SMURF1: variants seen among roughly 807,000 people sequenced by gnomAD.
SMURF1 encodes SMAD specific E3 ubiquitin protein ligase 1.
Under a neutral mutation model 98.0 loss-of-function variants are expected in SMURF1, and 44 were observed. The observed-to-expected ratio is 0.45, with a 90% CI of 0.35 to 0.58. The LOEUF is 0.58. Ranked by LOEUF, SMURF1 falls within the 20% of genes least tolerant of loss-of-function variation. SMURF1 has a pLI of 0.00. For missense variants in SMURF1, 687 were observed against 938.4 expected, an observed-to-expected ratio of 0.73 and a Z score of 3.50; for synonymous variants, 396 against 374.9, an observed-to-expected ratio of 1.06 and a Z score of -0.65.
At chr7:99,119,024 TTTTTTTTTTTTTTTTTTTTTA>T (rs1370515070) in intron 1 of SMURF1, among the ~76,000 whole-genome samples, 1 of 130,092 alleles carries the variant, frequency 7.7e-6, no homozygotes, top group African/African-American at 2.8e-5. Flanking sequence ...TTTTTTTTTT[TTTTTTTTTTTTTTTTTTTTTA>T]GAGACAGGGT....
chr7:99,045,160 A>T (rs78274080), intron 11 of SMURF1, among the ~76,000 whole-genome samples: 4 of 152,096 alleles, frequency 2.6e-5, no homozygotes, highest in Admixed American at 2.6e-4. Flanking sequence ...AAAAAAAAAA[A>T]TTGTCTTGAA....
At chr7:99,084,390 C>T (rs1796634153) in intron 1 of SMURF1, among the ~76,000 whole-genome samples, 1 of 152,056 alleles carries the variant, frequency 6.6e-6, no homozygotes, top group Non-Finnish European at 1.5e-5. Context: ...GTGATCCGCC[C>T]GAGGGTTGAA....
At chr7:99,068,899 C>T (rs1386941441) in intron 1 of SMURF1, among the ~76,000 whole-genome samples, 1 of 152,052 alleles carries the variant, frequency 6.6e-6, no homozygotes. Context: ...GGGTCCAGGC[C>T]AGGCATTTTG....
rs763094831 is a variant in SMURF1, at chr7:99,047,802, G to A, written c.1034C>T (p.Ala345Val). The A allele has an allele frequency of 1.2e-6, 2 of 1,614,178 alleles. No homozygotes were observed. Among genetic ancestry groups the A allele is most frequent in the Non-Finnish European group, 1.7e-6 (2 of 1,180,042 alleles). ...EGSLEDEELPAQRYERDLVQK... is the reference protein window; with the variant it reads ...EGSLEDEELPVQRYERDLVQK... ...GACTAGATCTCTTTCGTATCTCTGG[G>A]CAGGAAGCTCCTCGTCCTCCAGAGA... Residue 345 changes from alanine (A) to valine (V), a missense_variant, in exon 10 of 18, where the codon GCC (alanine) becomes GTC (valine). Coordinates refer to ENST00000361368, the MANE Select transcript of SMURF1 (RefSeq NM_181349.3).
At chr7:99,093,989 G>A (rs558391628) in intron 1 of SMURF1, among the ~76,000 whole-genome samples, 2 of 152,090 alleles carry the variant, frequency 1.3e-5, no homozygotes, top group South Asian at 4.1e-4. Flanking sequence ...TTACGCACAA[G>A]ATTAACAAGA....
chr7:99,130,418 A>G (rs1292842077), intron 1 of SMURF1, among the ~76,000 whole-genome samples: 1 of 152,242 alleles, frequency 6.6e-6, no homozygotes, highest in African/African-American at 2.4e-5. Flanking sequence ...ACACCACTGC[A>G]CTCCAGCCTG....
chr7:99,100,150 C>T (rs1046058826), intron 1 of SMURF1, among the ~76,000 whole-genome samples: 2 of 151,266 alleles, frequency 1.3e-5, no homozygotes, highest in African/African-American at 4.8e-5. Context: ...ATGCTCTGAC[C>T]CCAGAATGCC....
chr7:99,045,725 T>C lies in SMURF1; in HGVS notation c.1229A>G (p.Glu410Gly). 10 of 1,614,146 alleles carry C rather than the reference T, an allele frequency of 6.2e-6. No individual in the cohort carries two copies. The highest frequency in any genetic ancestry group is 7.6e-6 in the Non-Finnish European group (9 of 1,179,978). ...GGCCACACCACCGTAATCCAAACCTTCTTCCCCACGGAATTTCACCATCAG... is the reference window on the plus strand; with the variant it reads ...GGCCACACCACCGTAATCCAAACCTCCTTCCCCACGGAATTTCACCATCAG... ...KRLMVKFRGE[E>G]GLDYGGVARE... is the part of the protein sequence containing the mutation. The change falls in exon 11 of 18, where the codon GAA (glutamate) becomes GGA (glycine). Residue 410 changes from glutamate to glycine, a missense_variant. Glu to Gly is a moderately conservative substitution (Grantham distance 98). This residue lies in a region of SMURF1 where 272 missense variants were observed against 430.0 expected (regional missense o/e 0.63). Coordinates refer to ENST00000361368, the MANE Select transcript of SMURF1 (RefSeq NM_181349.3).
At chr7:99,050,896 G>T (rs753920049) in intron 8 of SMURF1, 63 of 1,014,694 alleles carry the variant, frequency 6.2e-5, no homozygotes, top group African/African-American at 1.8e-4. Flanking sequence ...TTATGGGGTG[G>T]GGGGGGGGTC....
chr7:99,058,625 A>C (rs1362670762), intron 3 of SMURF1, among the ~76,000 whole-genome samples: 2 of 152,158 alleles, frequency 1.3e-5, no homozygotes, highest in Non-Finnish European at 2.9e-5. Context: ...AGAGGAACTC[A>C]ACCCACTTAC....
intron 1 of SMURF1, among the ~76,000 whole-genome samples, chr7:99,070,703 C>T (rs1796297422): frequency 6.6e-6 from 1 of 151,846 alleles, no homozygotes; most frequent in Admixed American, 6.6e-5. Flanking sequence ...ATCAAGAAGG[C>T]AGACGCTGCC....
intron 1 of SMURF1, among the ~76,000 whole-genome samples, chr7:99,123,520 A>G (rs952557862): frequency 2.6e-5 from 4 of 152,134 alleles, no homozygotes; most frequent in Admixed American, 6.5e-5. Context: ...GGTGACAGAG[A>G]GAGACTCTGC....
chr7:99,033,924 G>A (rs934075733), intron 16 of SMURF1, among the ~76,000 whole-genome samples: 3 of 152,240 alleles, frequency 2.0e-5, no homozygotes, highest in Non-Finnish European at 2.9e-5. Flanking sequence ...CAGAGGGCAC[G>A]GGCCTTGGCT....
At chr7:99,143,332 G>A (rs1169098087) in intron 1 of SMURF1, among the ~76,000 whole-genome samples, 2 of 146,156 alleles carry the variant, frequency 1.4e-5, no homozygotes, top group Admixed American at 6.8e-5. Flanking sequence ...GGGCCGAGCC[G>A]GGGAGAGGTG....
At chr7:99,105,467 A>G (rs1797175101) in intron 1 of SMURF1, among the ~76,000 whole-genome samples, 1 of 152,202 alleles carries the variant, frequency 6.6e-6, no homozygotes, top group African/African-American at 2.4e-5. Context: ...ACTCTATACT[A>G]TATGCCAGGT....
intron 12 of SMURF1, among the ~76,000 whole-genome samples, chr7:99,041,520 T>C (rs1004416305): frequency 6.6e-6 from 1 of 152,246 alleles, no homozygotes; most frequent in African/African-American, 2.4e-5. Flanking sequence ...AAAACTCTGC[T>C]TCCATGTTGG....
chr7:99,084,017 TG>T (rs1200740592), intron 1 of SMURF1, among the ~76,000 whole-genome samples: 7 of 152,378 alleles, frequency 4.6e-5, no homozygotes, highest in Admixed American at 2.0e-4. Context: ...CATTATCTCC[TG>T]TATTTCCTCC....
At chr7:99,118,626 A>G (rs979591358) in intron 1 of SMURF1, among the ~76,000 whole-genome samples, 1 of 152,200 alleles carries the variant, frequency 6.6e-6, no homozygotes, top group Non-Finnish European at 1.5e-5. Flanking sequence ...GTAGTTGTAA[A>G]GCCTAGGGTT....
At chr7:99,048,013 G>A (rs962421634) in intron 9 of SMURF1, 131 bp from the exon 10 acceptor site, 2 of 818,066 alleles carry the variant, frequency 2.4e-6, no homozygotes, top group African/African-American at 3.4e-5. Context: ...TTTCCCTGAT[G>A]ACGTAACCAG....
Sources: allele counts gnomAD v4.1 joint callset (sites outside exome capture counted in the v4.1 genomes callset), GRCh38; gene constraint gnomAD v4.1.1; regional missense constraint gnomAD v4.1.1; transcripts MANE v1.5; gene names NCBI Gene and HGNC (gene_info 2026-07-23, HGNC 2026-07-21).